Variants in PWP1 observed in about 807,000 individuals in gnomAD.
PWP1 encodes periodic tryptophan protein 1 homolog.
PWP1 carries 47 observed loss-of-function variants against 69.9 expected under a neutral mutation model. That is an observed-to-expected ratio of 0.67 (90% CI 0.53 to 0.86). The LOEUF (loss-of-function observed/expected upper bound fraction) is 0.86. PWP1 is among the 40% of genes least tolerant of loss of function. The pLI is 0.00. For missense variants in PWP1, 551 were observed against 608.8 expected (o/e 0.91, Z 1.00); for synonymous variants, 222 against 208.2 (o/e 1.07, Z -0.57).
chr12:107,698,846 G>C (rs1889646089), intron 7 of PWP1, among the ~76,000 whole-genome samples: 1 of 152,218 alleles, frequency 6.6e-6, no homozygotes, highest in African/African-American at 2.4e-5. Context: ...TCCCACGTTA[G>C]CTTCCCAAGG....
chr12:107,692,700 A>G lies in PWP1; in HGVS notation c.320-114A>G, dbSNP rs1889501954. The G allele has an allele frequency of 5.7e-6, 5 of 871,792 alleles. No homozygotes were observed. In the South Asian group the frequency reaches 9.1e-5, roughly 16 times the overall value. The allele number at this position is 871,792 out of a possible 1,614,324, so 54.0% of individuals were successfully genotyped here. On this transcript the variant is annotated intron_variant, in intron 3 of 14. Transcript: ENST00000412830. ...TTCCTTTCCCAACTCTAGATGATCCAGAGTTAGTTATAAAATAGATGATTG... is the reference window on the plus strand; with the variant it reads ...TTCCTTTCCCAACTCTAGATGATCCGGAGTTAGTTATAAAATAGATGATTG...
At chr12:107,692,927 A>G (rs897879861) in intron 4 of PWP1, 28 bp downstream of exon 4, 9 of 1,612,806 alleles carry the variant, frequency 5.6e-6, no homozygotes, top group Non-Finnish European at 7.6e-6. Context: ...TTTTCTAATT[A>G]TGCTCTTAAG....
chr12:107,710,406 G>A lies in PWP1; in HGVS notation c.1292G>A (p.Gly431Glu), dbSNP rs201788507. The change falls in exon 14 of 15, where the codon GGA becomes GAA. Residue 431 changes from glycine (G) to glutamate (E), a missense_variant and splice_region_variant. Gly to Glu is a moderately conservative substitution (Grantham distance 98). Coordinates refer to ENST00000412830, the MANE Select transcript of PWP1 (RefSeq NM_007062.3). ...ACCATCTTCCTGTTCTCTCTCTAGG[G>A]AGTTCTCTTCTGTTCTTCATGTTGC... ...SLVHSRDMKM[G>E]VLFCSSCCPD... The A allele has an allele frequency of 6.2e-7, 1 of 1,613,396 alleles. No individual in the cohort carries two copies. Among genetic ancestry groups the A allele is most frequent in the Non-Finnish European group, 8.5e-7 (1 of 1,179,588 alleles).
chr12:107,693,960 A>G (rs552731398), intron 5 of PWP1, among the ~76,000 whole-genome samples: 2 of 152,284 alleles, frequency 1.3e-5, no homozygotes, highest in East Asian at 1.9e-4. Context: ...CTTTTTTGGA[A>G]CCAAAACATC....
intron 10 of PWP1, 132 bp downstream of exon 10, chr12:107,703,878 A>G (rs1396229568): frequency 3.8e-6 from 3 of 785,826 alleles, no homozygotes; most frequent in African/African-American, 3.5e-5. Flanking sequence ...TGCACTACTT[A>G]TTTTTCCTTT....
At chr12:107,703,785 T>C (rs1889760709) in intron 10 of PWP1, 39 bp downstream of exon 10, 2 of 1,540,178 alleles carry the variant, frequency 1.3e-6, no homozygotes, top group Non-Finnish European at 9.0e-7. Context: ...ACTCTGTTTT[T>C]ATCCTCTAGA....
intron 7 of PWP1, among the ~76,000 whole-genome samples, chr12:107,698,567 T>C (rs755725388): frequency 2.9e-4 from 44 of 152,198 alleles, no homozygotes; most frequent in Non-Finnish European, 5.9e-4. Flanking sequence ...CTGTTCCTTG[T>C]AATGAAATTT....
intron 14 of PWP1, among the ~76,000 whole-genome samples, chr12:107,711,499 CCA>C (rs1265522811): frequency 8.5e-5 from 13 of 152,164 alleles, no homozygotes; most frequent in African/African-American, 2.9e-4. Flanking sequence ...GCCCTCTCCC[CCA>C]CAGTTACCAG....
In PWP1 at chr12:107,712,275, T is replaced by TA; in HGVS notation, c.*60dup. ...AACTGGGAATTTTAAAAAGTTGGCC[T>TA]AAAAATGTTCCATGCGTGGCAGCAA... On this transcript the variant is annotated 3_prime_UTR_variant, in exon 15 of 15. Transcript: ENST00000412830. The TA allele has an allele frequency of 1.4e-6, 2 of 1,414,220 alleles. No homozygotes were observed. Among genetic ancestry groups the TA allele is most frequent in the Admixed American group, 3.4e-5 (2 of 59,040 alleles). 87.6% of individuals were successfully genotyped at this position (1,414,220 alleles called of 1,614,324 possible). A position where few individuals can be genotyped will look rare whatever the true frequency, so the allele number is the denominator to read the frequency against.
chr12:107,706,957 G>A (rs1889836248), intron 11 of PWP1, among the ~76,000 whole-genome samples: 1 of 152,142 alleles, frequency 6.6e-6, no homozygotes. Context: ...GTAGCTTGAT[G>A]GGGATGGCAT....
chr12:107,688,942 G>GC, intron 3 of PWP1, 140 bp downstream of exon 3: 2 of 841,608 alleles, frequency 2.4e-6, no homozygotes, highest in Non-Finnish European at 3.6e-6. Context: ...TGGGCAGACA[G>GC]CATGATTCCT....
intron 5 of PWP1, 34 bp downstream of exon 5, chr12:107,693,130 A>G (rs1889518751): frequency 6.4e-7 from 1 of 1,568,830 alleles, no homozygotes; most frequent in South Asian, 1.2e-5. Flanking sequence ...AAGATTTTCT[A>G]AGTGATGGTA....
chr12:107,697,523 A>G lies in PWP1; in HGVS notation c.670A>G (p.Ile224Val). 6.2e-7 allele frequency: 1 copy of G among 1,609,716 alleles called. No homozygotes were observed. The highest frequency in any genetic ancestry group is 1.1e-5 in the South Asian group (1 of 90,086). The change falls in exon 7 of 15, where the codon ATA (isoleucine) becomes GTA (valine). Residue 224 changes from isoleucine (I) to valine (V), a missense_variant. Coordinates refer to ENST00000412830, the MANE Select transcript of PWP1 (RefSeq NM_007062.3). ...TGTTATTGAAGTGTGGGACCTTGAT[A>G]TAGTGGACTCTTTAGAGCCAGTCTT... is the stretch of plus-strand genomic sequence containing the variant. ...TPVIEVWDLD[I>V]VDSLEPVFTL...
intron 6 of PWP1, among the ~76,000 whole-genome samples, chr12:107,696,804 C>G (rs1466201729): frequency 6.6e-6 from 1 of 152,170 alleles, no homozygotes; most frequent in African/African-American, 2.4e-5. Flanking sequence ...GGTAGCTGCT[C>G]TACTACAGGC....
rs190632666 is a variant in PWP1, at chr12:107,690,620, G to A, written c.319+1818G>A. Reference sequence around the variant, plus strand: ...TGGGATTACAGGCACATGCCACCACGCCCAGCTAATTTTCGTGTTTTTAGT... The same window carrying A: ...TGGGATTACAGGCACATGCCACCACACCCAGCTAATTTTCGTGTTTTTAGT... On this transcript the variant is annotated intron_variant, in intron 3 of 14. Coordinates refer to ENST00000412830, the MANE Select transcript of PWP1 (RefSeq NM_007062.3). 3.3e-5 allele frequency among the ~76,000 whole-genome samples: 5 copies of A among 152,116 alleles called. No individual in the cohort carries two copies. The South Asian group carries it at 6.2e-4, about 19-fold the overall frequency.
intron 6 of PWP1, 82 bp downstream of exon 6, chr12:107,696,666 A>G (rs1343664068): frequency 9.5e-6 from 15 of 1,573,220 alleles, no homozygotes; most frequent in Middle Eastern, 1.8e-4. Context: ...TATTCTCTTG[A>G]ATGTTTTCAG....
At chr12:107,709,687 C>G (rs1180154884) in intron 13 of PWP1, among the ~76,000 whole-genome samples, 2 of 151,996 alleles carry the variant, frequency 1.3e-5, no homozygotes, top group Non-Finnish European at 2.9e-5. Context: ...ACCAGATTCA[C>G]TCAAGAAATA....
At chr12:107,687,101 C>T (rs11831458) in intron 1 of PWP1, among the ~76,000 whole-genome samples, 8,322 of 151,050 alleles carry the variant, frequency 0.055, 780 homozygotes, top group African/African-American at 0.19. Context: ...TTTGAATGTA[C>T]TTGACCAAGA....
intron 6 of PWP1, among the ~76,000 whole-genome samples, chr12:107,697,264 A>G (rs1407420450): frequency 6.6e-6 from 1 of 152,198 alleles, no homozygotes; most frequent in Non-Finnish European, 1.5e-5. Context: ...CATGGTTATC[A>G]CCTGTGACCT....
Sources: allele counts gnomAD v4.1 joint callset (sites outside exome capture counted in the v4.1 genomes callset), GRCh38; gene constraint gnomAD v4.1.1; transcripts MANE v1.5; gene names NCBI Gene and HGNC (gene_info 2026-07-23, HGNC 2026-07-21).